DLGAP1: variants seen among roughly 807,000 people sequenced by gnomAD.
The protein encoded by DLGAP1 is DLG associated protein 1, also known as disks large-associated protein 1.
In DLGAP1, 11 loss-of-function variants were observed where a neutral mutation model predicts 90.8. The ratio of observed to expected loss-of-function variants is 0.12; its 90% confidence interval spans 0.08 to 0.20. The LOEUF is 0.20. Ranked by LOEUF, DLGAP1 falls within the 10% of genes least tolerant of loss-of-function variation. DLGAP1 has a pLI of 1.00. For synonymous variants in DLGAP1, 558 were observed against 540.7 expected, an observed-to-expected ratio of 1.03 and a Z score of -0.44; for missense variants, 1,050 against 1,333.8, an observed-to-expected ratio of 0.79 and a Z score of 3.31.
intron 5 of DLGAP1, among the ~76,000 whole-genome samples, chr18:3,795,840 G>C (rs1001076003): frequency 1.6e-4 from 24 of 151,934 alleles, no homozygotes; most frequent in African/African-American, 5.6e-4. Context: ...AAAACACAAA[G>C]GTTCTCCTCA....
rs150476489 is a variant in DLGAP1, at chr18:3,732,124, A to G, written c.1351-2749T>C. Among the ~76,000 whole-genome samples, 253 of 152,300 alleles carry G rather than the reference A, an allele frequency of 1.7e-3. 1 individual carries two copies. Among genetic ancestry groups the G allele is most frequent in the African/African-American group, 5.5e-3 (230 of 41,576 alleles). On this transcript the variant is annotated intron_variant, in intron 6 of 12. Coordinates refer to ENST00000315677, the MANE Select transcript of DLGAP1 (RefSeq NM_004746.4). ...AGCATCTAGATTGTTTGCCCCATAG[A>G]GGTTCCCATAGTCTGGGTTTTGCTG...
intron 1 of DLGAP1, among the ~76,000 whole-genome samples, chr18:4,432,090 A>G (rs1463004522): frequency 6.6e-6 from 1 of 152,198 alleles, no homozygotes; most frequent in Admixed American, 6.5e-5. Flanking sequence ...GATCAACTAG[A>G]TTCAACGTGA....
At chr18:4,293,678 A>G (rs2079904092) in intron 1 of DLGAP1, 1 of 152,188 alleles carries the variant, frequency 6.6e-6, no homozygotes, top group Non-Finnish European at 1.5e-5. Flanking sequence ...CTTTATGACA[A>G]AAAACTTTAG....
intron 3 of DLGAP1, among the ~76,000 whole-genome samples, chr18:3,939,875 T>C (rs1316101975): frequency 6.6e-6 from 1 of 152,238 alleles, no homozygotes; most frequent in Non-Finnish European, 1.5e-5. Flanking sequence ...TGTGAGGACA[T>C]GTAATTTATA....
chr18:3,605,264 C>T (rs2057276391), intron 7 of DLGAP1, among the ~76,000 whole-genome samples: 1 of 152,232 alleles, frequency 6.6e-6, no homozygotes, highest in South Asian at 2.1e-4. Flanking sequence ...CAGATACGAG[C>T]TTACGTTCGA....
intron 12 of DLGAP1, among the ~76,000 whole-genome samples, chr18:3,501,771 C>G (rs1476616976): frequency 6.6e-6 from 1 of 151,996 alleles, no homozygotes; most frequent in Non-Finnish European, 1.5e-5. Flanking sequence ...GACATGCCAG[C>G]CTGGGGAGCT....
At chr18:3,622,046 G>A (rs1264142757) in intron 7 of DLGAP1, among the ~76,000 whole-genome samples, 2 of 152,206 alleles carry the variant, frequency 1.3e-5, no homozygotes, top group East Asian at 1.9e-4. Context: ...TCTGATGTGC[G>A]TATGGGTAGT....
intron 3 of DLGAP1, among the ~76,000 whole-genome samples, chr18:3,940,621 C>G (rs1029875127): frequency 5.3e-5 from 8 of 152,140 alleles, no homozygotes; most frequent in African/African-American, 1.7e-4. Context: ...AAGTAACCAC[C>G]TAGTTCAGGT....
chr18:4,293,440 C>T (rs1598832931), intron 1 of DLGAP1: 1 of 152,234 alleles, frequency 6.6e-6, no homozygotes, highest in Admixed American at 6.5e-5. Context: ...TTGCTTTTTG[C>T]AAAATCAGAT....
intron 3 of DLGAP1, among the ~76,000 whole-genome samples, chr18:4,000,856 A>G (rs893985901): frequency 1.3e-5 from 2 of 152,162 alleles, no homozygotes; most frequent in African/African-American, 4.8e-5. Context: ...CTTTTTATTT[A>G]AAGGTCAATA....
chr18:4,329,702 C>T (rs1232940689), intron 1 of DLGAP1, among the ~76,000 whole-genome samples: 2 of 151,954 alleles, frequency 1.3e-5, no homozygotes, highest in African/African-American at 4.8e-5. Flanking sequence ...ATTTTGAAAA[C>T]ATGGGTTGCA....
intron 10 of DLGAP1, among the ~76,000 whole-genome samples, chr18:3,515,147 AT>A (rs2050755225): frequency 6.6e-6 from 1 of 152,186 alleles, no homozygotes; most frequent in African/African-American, 2.4e-5. Context: ...GTTTGACAGC[AT>A]TTTACCCACA....
chr18:4,145,180 C>G (rs1479530660), intron 2 of DLGAP1, among the ~76,000 whole-genome samples: 1 of 152,262 alleles, frequency 6.6e-6, no homozygotes, highest in Admixed American at 6.5e-5. Flanking sequence ...AGGTTTGAGA[C>G]AGCCTCATCA....
At chr18:3,943,710 C>A (rs937851037) in intron 3 of DLGAP1, among the ~76,000 whole-genome samples, 2 of 152,126 alleles carry the variant, frequency 1.3e-5, no homozygotes, top group Non-Finnish European at 2.9e-5. Context: ...TGTGTCCTTT[C>A]CAAATTCCTA....
At chr18:4,111,554 T>C (rs966169015) in intron 2 of DLGAP1, among the ~76,000 whole-genome samples, 3 of 152,222 alleles carry the variant, frequency 2.0e-5, no homozygotes, top group African/African-American at 7.2e-5. Context: ...ATCTGAACTA[T>C]GGATTTTCTT....
rs9960638 is a variant in DLGAP1 at position 3,705,878 on chromosome 18, C to T, written c.1591+23257G>A. Among the ~76,000 whole-genome samples, 1,325 of 150,274 alleles carry T rather than the reference C, an allele frequency of 8.8e-3. 19 individuals carry two copies. Among genetic ancestry groups the T allele is most frequent in the African/African-American group, 0.031 (1,252 of 40,862 alleles). On this transcript the variant is annotated intron_variant, in intron 7 of 12. Coordinates refer to ENST00000315677, the MANE Select transcript of DLGAP1 (RefSeq NM_004746.4). ...TTCACCATGTTGGCCAGGCTGGTCT[C>T]GAACTCCTGGCCTCAGGTGATCCTC...
At chr18:4,042,332 C>T (rs1598291615) in intron 2 of DLGAP1, among the ~76,000 whole-genome samples, 1 of 152,314 alleles carries the variant, frequency 6.6e-6, no homozygotes, top group East Asian at 1.9e-4. Context: ...TTTAATAAAG[C>T]ACGTCAGACT....
At chr18:4,063,192 G>T (rs910270520) in intron 2 of DLGAP1, among the ~76,000 whole-genome samples, 16 of 152,002 alleles carry the variant, frequency 1.1e-4, no homozygotes, top group Non-Finnish European at 2.2e-4. Context: ...GCGATAAATG[G>T]CTAGCATATA....
intron 3 of DLGAP1, among the ~76,000 whole-genome samples, chr18:3,952,099 T>C (rs1209512167): frequency 1.3e-5 from 2 of 152,208 alleles, no homozygotes; most frequent in Non-Finnish European, 2.9e-5. Context: ...GAATGTTATA[T>C]TACATTCTTG....
Sources: allele counts gnomAD v4.1 joint callset (sites outside exome capture counted in the v4.1 genomes callset), GRCh38; gene constraint gnomAD v4.1.1; transcripts MANE v1.5; gene names NCBI Gene and HGNC (gene_info 2026-07-23, HGNC 2026-07-21).